The following GPR158 variants were observed in gnomAD, a reference collection of about 807,000 sequenced individuals.
GPR158 encodes metabotropic glycine receptor.
Under a neutral mutation model 78.2 loss-of-function variants are expected in GPR158, and 30 were observed. The ratio of observed to expected loss-of-function variants is 0.38; its 90% CI spans 0.29 to 0.52. The LOEUF is 0.52. GPR158 is among the 20% of genes least tolerant of loss of function. The pLI, the probability that GPR158 is intolerant of heterozygous loss-of-function variation, is 0.83. For synonymous variants in GPR158, 581 were observed against 591.1 expected, an observed-to-expected ratio of 0.98 and a Z score of 0.25; for missense variants, 1,463 against 1,523.5, an observed-to-expected ratio of 0.96 and a Z score of 0.66.
chr10:25,415,881 G>T (rs140440657), intron 4 of GPR158, among the ~76,000 whole-genome samples: 3 of 151,856 alleles, frequency 2.0e-5, no homozygotes, highest in Non-Finnish European at 4.4e-5. Flanking sequence ...ATGAGTTCAG[G>T]GTTTCTTTTT....
At chr10:25,383,393 T>C (rs1213269069) in intron 2 of GPR158, among the ~76,000 whole-genome samples, 1 of 152,162 alleles carries the variant, frequency 6.6e-6, no homozygotes, top group African/African-American at 2.4e-5. Context: ...GAGCTATGCA[T>C]TTGCCACTAA....
At chr10:25,207,719 T>C (rs1415703001) in intron 1 of GPR158, among the ~76,000 whole-genome samples, 3 of 152,130 alleles carry the variant, frequency 2.0e-5, no homozygotes, top group African/African-American at 7.2e-5. Flanking sequence ...GTTGAGGGAC[T>C]CCTGGGATAG....
chr10:25,175,898 C>A lies in GPR158; in HGVS notation c.478C>A (p.Leu160Met). Residue 160 changes from leucine (L) to methionine (M), a missense_variant, in exon 1 of 11, where the codon CTG becomes ATG. Leu to Met is a conservative substitution (Grantham distance 15). Transcript: ENST00000376351. The surrounding 1 kb of genome is among the most constrained non-coding windows in gnomAD (Gnocchi z 6.4). ...GGACGACCTGGATTGGTACCAGGCG[C>A]TGGTGTGGAGCCTTCTGGAGGGCGA... ...LQDDLDWYQA[L>M]VWSLLEGEPS... 2 of 1,613,868 alleles carry A rather than the reference C, an allele frequency of 1.2e-6. No individual in the cohort carries two copies. Among genetic ancestry groups the A allele is most frequent in the Non-Finnish European group, 1.7e-6 (2 of 1,179,998 alleles).
intron 2 of GPR158, among the ~76,000 whole-genome samples, chr10:25,253,340 C>G (rs577281223): frequency 3.3e-5 from 5 of 150,050 alleles, no homozygotes; most frequent in South Asian, 4.2e-4. Context: ...GCACCTCCCC[C>G]CAATTTATTC....
At chr10:25,309,786 CTT>C (rs1337213321) in intron 2 of GPR158, among the ~76,000 whole-genome samples, 1 of 152,140 alleles carries the variant, frequency 6.6e-6, no homozygotes, top group Admixed American at 6.5e-5. Context: ...TGCACACACT[CTT>C]TCTTTCCTGC....
intron 5 of GPR158, among the ~76,000 whole-genome samples, chr10:25,466,988 C>A (rs1835433387): frequency 1.3e-5 from 2 of 152,100 alleles, no homozygotes; most frequent in African/African-American, 2.4e-5. Context: ...ATATGAGTGA[C>A]CATGGCCCCT....
In GPR158 at chr10:25,518,481, A is replaced by G. The variant is rs773254085; in HGVS notation, c.1405-32495A>G. Among the ~76,000 whole-genome samples, 136 of 95,182 alleles carry G rather than the reference A, an allele frequency of 1.4e-3. 8 individuals are homozygous for G. The highest frequency in any genetic ancestry group is 2.4e-3 in the Non-Finnish European group (113 of 47,662). 62.4% of individuals were successfully genotyped at this position (95,182 alleles called of 152,430 possible). On this transcript the variant is annotated intron_variant, in intron 5 of 10. Transcript: ENST00000376351. ...TGTGTTGTTCGGGTGTCAATTTTAG[A>G]TCTTTCCTGCTTTCTCTTGTGGGCA... is the stretch of plus-strand genomic sequence containing the variant.
chr10:25,473,839 C>T (rs702980), intron 5 of GPR158, among the ~76,000 whole-genome samples: 67,330 of 151,890 alleles, frequency 0.44, 15,999 homozygotes, highest in East Asian at 0.8. Context: ...TATTTCAGTT[C>T]TCAGATAAAA....
intron 5 of GPR158, among the ~76,000 whole-genome samples, chr10:25,472,507 T>A (rs7075106): frequency 0.24 from 36,637 of 151,942 alleles, 6,053 homozygotes; most frequent in African/African-American, 0.47. Context: ...AAGAAAGTCA[T>A]TGGTAGCTGG....
intron 2 of GPR158, among the ~76,000 whole-genome samples, chr10:25,221,487 T>C (rs940114217): frequency 2.0e-5 from 3 of 152,212 alleles, no homozygotes; most frequent in African/African-American, 7.2e-5. Context: ...AAATTATGAC[T>C]GTTTTTATGG....
At chr10:25,243,591 T>A (rs548558689) in intron 2 of GPR158, among the ~76,000 whole-genome samples, 2 of 152,320 alleles carry the variant, frequency 1.3e-5, no homozygotes, top group African/African-American at 4.8e-5. Flanking sequence ...TGGAAAGACA[T>A]GTTTTTATCC....
At chr10:25,455,377 T>C (rs1007769294) in intron 4 of GPR158, among the ~76,000 whole-genome samples, 1 of 152,200 alleles carries the variant, frequency 6.6e-6, no homozygotes, top group South Asian at 2.1e-4. Context: ...TTTAAAAAAA[T>C]CTGTTATATT....
intron 5 of GPR158, among the ~76,000 whole-genome samples, chr10:25,510,984 G>A (rs1160391661): frequency 6.6e-6 from 1 of 152,138 alleles, no homozygotes; most frequent in African/African-American, 2.4e-5. Context: ...TTTTGCAATT[G>A]CAAATTATGC....
chr10:25,485,156 G>A (rs1588883501), intron 5 of GPR158, among the ~76,000 whole-genome samples: 1 of 151,712 alleles, frequency 6.6e-6, no homozygotes. Flanking sequence ...AATGTGTCCT[G>A]AGAAATAATT....
At position 25,535,676 on chromosome 10, in the gene GPR158, A is replaced by G. The variant is rs75756021; in HGVS notation, c.1405-15300A>G. Among the ~76,000 whole-genome samples the G allele has an allele frequency of 3.9e-5, 6 of 152,314 alleles. No homozygotes were observed. The East Asian group carries it at 9.7e-4, about 25-fold the overall frequency. On this transcript the variant is annotated intron_variant, in intron 5 of 10. Transcript: ENST00000376351. Reference sequence around the variant, plus strand: ...CCACTAAGTTTGTGGTATTTGTTATATACAAGTAGATAATGAATGCACCTT... The same window carrying G: ...CCACTAAGTTTGTGGTATTTGTTATGTACAAGTAGATAATGAATGCACCTT...
chr10:25,449,614 T>A (rs1365973818), intron 4 of GPR158, among the ~76,000 whole-genome samples: 1 of 152,144 alleles, frequency 6.6e-6, no homozygotes, highest in African/African-American at 2.4e-5. Context: ...TACTGGAAGA[T>A]GTTGGTCAAA....
intron 6 of GPR158, among the ~76,000 whole-genome samples, chr10:25,565,740 G>C (rs971121660): frequency 3.9e-5 from 6 of 152,190 alleles, no homozygotes; most frequent in African/African-American, 1.4e-4. Flanking sequence ...AGGCATTTCA[G>C]CTCTAACTGT....
chr10:25,374,475 C>G (rs977129314), intron 2 of GPR158, among the ~76,000 whole-genome samples: 1 of 151,670 alleles, frequency 6.6e-6, no homozygotes, highest in Non-Finnish European at 1.5e-5. Flanking sequence ...AATTTTATCA[C>G]AAATGTAGGT....
chr10:25,505,569 C>T (rs1272828668), intron 5 of GPR158, among the ~76,000 whole-genome samples: 3 of 152,172 alleles, frequency 2.0e-5, no homozygotes, highest in African/African-American at 7.2e-5. Flanking sequence ...GACTAGGTTA[C>T]TCTACTGCTT....
Sources: allele counts gnomAD v4.1 joint callset (sites outside exome capture counted in the v4.1 genomes callset), GRCh38; gene constraint gnomAD v4.1.1; non-coding constraint Gnocchi (gnomAD v3.1); transcripts MANE v1.5; gene names NCBI Gene and HGNC (gene_info 2026-07-23, HGNC 2026-07-21).